The following KANSL1L variants were observed in gnomAD, a reference collection of about 807,000 sequenced individuals.
KANSL1L encodes KAT8 regulatory NSL complex subunit 1 like.
In KANSL1L, 25 loss-of-function variants were observed where a neutral mutation model predicts 108.6. The observed-to-expected ratio is 0.23, with a 90% confidence interval of 0.17 to 0.32. KANSL1L has a LOEUF of 0.32. Ranked by LOEUF, KANSL1L falls within the 10% of genes least tolerant of loss-of-function variation. KANSL1L has a pLI of 1.00. For missense variants in KANSL1L, 1,137 were observed against 1,125.7 expected (o/e 1.01, Z -0.14); for synonymous variants, 405 against 395.1 (o/e 1.03, Z -0.30).
chr2:210,044,597 T>TG lies in KANSL1L; in HGVS notation c.1756-494_1756-493insC, dbSNP rs1406929035. Reference sequence around the variant, plus strand: ...TATGGATTGCAGGGTTTGTTTTTTTTTGGGGGGGGTATGGTTCTTTATCAG... The same window carrying TG: ...TATGGATTGCAGGGTTTGTTTTTTTTGTGGGGGGGGTATGGTTCTTTATCAG... On this transcript the variant is annotated intron_variant, in intron 6 of 14. Transcript: ENST00000281772. This position sits in a 1 kb window ranked among gnomAD's most constrained non-coding sequence, Gnocchi z 4.2. Among the ~76,000 whole-genome samples the TG allele has an allele frequency of 9.9e-5, 15 of 152,092 alleles. No homozygotes were observed. Among genetic ancestry groups the TG allele is most frequent in the African/African-American group, 3.6e-4 (15 of 41,496 alleles).
chr2:210,094,823 G>C (rs1395298258), intron 5 of KANSL1L, among the ~76,000 whole-genome samples: 1 of 150,734 alleles, frequency 6.6e-6, no homozygotes, highest in Non-Finnish European at 1.5e-5. Context: ...TATAGTTAAG[G>C]GATTAAAAAA....
intron 6 of KANSL1L, among the ~76,000 whole-genome samples, chr2:210,046,256 C>T (rs1273889735): frequency 6.6e-6 from 1 of 152,106 alleles, no homozygotes. Flanking sequence ...ATCCAAGCCC[C>T]CCAAAATACA....
At chr2:210,052,093 T>C (rs2094299207) in intron 6 of KANSL1L, among the ~76,000 whole-genome samples, 1 of 150,992 alleles carries the variant, frequency 6.6e-6, no homozygotes, top group Non-Finnish European at 1.5e-5. Flanking sequence ...CAGCCTCTAC[T>C]GCCTGGCTCA....
Position 210,031,415 on chromosome 2 carries a change from AC to A in KANSL1L, c.2155+5del. 6.3e-7 allele frequency: 1 copy of A among 1,584,408 alleles called. No homozygotes were observed. Among genetic ancestry groups the A allele is most frequent in the Non-Finnish European group, 8.6e-7 (1 of 1,159,084 alleles). ...CACTACTGCTTATATCCTCACTTTA[AC>A]CTACCTAATGCTGTTTCACTCAAAT... is the stretch of plus-strand genomic sequence containing the variant. On this transcript the variant is annotated splice_donor_5th_base_variant and intron_variant, in intron 9 of 14. Transcript: ENST00000281772.
At chr2:210,069,824 T>G (rs1428522066) in intron 6 of KANSL1L, among the ~76,000 whole-genome samples, 3 of 17,386 alleles carry the variant, frequency 1.7e-4, no homozygotes, top group African/African-American at 8.7e-4. Context: ...TTTTTTTTTT[T>G]TTTTTTTTTT....
At chr2:210,166,551 G>A (rs371934018) in intron 1 of KANSL1L, among the ~76,000 whole-genome samples, 2 of 151,998 alleles carry the variant, frequency 1.3e-5, no homozygotes, top group African/African-American at 4.8e-5. Flanking sequence ...CTAAAATACT[G>A]CTCCAGATTC....
At chr2:210,096,609 C>G in intron 5 of KANSL1L, 1 of 985,330 alleles carries the variant, frequency 1.0e-6, no homozygotes, top group Non-Finnish European at 1.2e-6. Context: ...AATCACAATG[C>G]TTATACACCA....
At chr2:210,116,438 T>C (rs1029080424) in intron 3 of KANSL1L, among the ~76,000 whole-genome samples, 4 of 152,180 alleles carry the variant, frequency 2.6e-5, no homozygotes, top group South Asian at 2.1e-4. Flanking sequence ...TGGTCACTGC[T>C]GGCCTTAGGT....
chr2:210,028,574 T>C, intron 11 of KANSL1L: 1 of 281,070 alleles, frequency 3.6e-6, no homozygotes, highest in Non-Finnish European at 6.6e-6. Flanking sequence ...GTCATATACA[T>C]AGTAGATAAC....
intron 1 of KANSL1L, among the ~76,000 whole-genome samples, chr2:210,157,161 G>A (rs2095338343): frequency 6.6e-6 from 1 of 152,116 alleles, no homozygotes; most frequent in Non-Finnish European, 1.5e-5. Context: ...ATAGTATTTA[G>A]TGTCTACATT....
At chr2:210,172,723 C>G (rs1442390195), upstream of KANSL1L, among the ~76,000 whole-genome samples, 1 of 152,128 alleles carries the variant, frequency 6.6e-6, no homozygotes, top group Non-Finnish European at 1.5e-5. Context: ...AAGGACTGTC[C>G]TAGTCCCTGG....
chr2:210,164,730 A>G (rs1318128245), intron 1 of KANSL1L, among the ~76,000 whole-genome samples: 2 of 152,136 alleles, frequency 1.3e-5, no homozygotes, highest in Non-Finnish European at 2.9e-5. Flanking sequence ...TTATGAAAAT[A>G]TATCAGTCCT....
intron 8 of KANSL1L, among the ~76,000 whole-genome samples, chr2:210,034,835 A>C (rs936887087): frequency 6.6e-6 from 1 of 152,162 alleles, no homozygotes; most frequent in Admixed American, 6.5e-5. Flanking sequence ...CTCCTCTTCC[A>C]TCTATCTGAG....
At chr2:210,169,606 G>A (rs1316726700) in intron 1 of KANSL1L, among the ~76,000 whole-genome samples, 1 of 152,160 alleles carries the variant, frequency 6.6e-6, no homozygotes, top group Non-Finnish European at 1.5e-5. Flanking sequence ...AATGTTAAAA[G>A]TCAATGTGAG....
At chr2:210,141,183 TCTCC>T (rs2095225869) in intron 2 of KANSL1L, among the ~76,000 whole-genome samples, 1 of 150,000 alleles carries the variant, frequency 6.7e-6, no homozygotes, top group Non-Finnish European at 1.5e-5. Context: ...CTTTTCTTTC[TCTCC>T]CTTTCTCTTT....
rs184484900 is a variant in KANSL1L, at chr2:210,158,740, C to G, written c.-29-4129G>C. 1.1e-3 allele frequency among the ~76,000 whole-genome samples: 163 copies of G among 150,528 alleles called. 2 individuals carry two copies. Among genetic ancestry groups the G allele is most frequent in the East Asian group, 7.8e-4 (4 of 5,150 alleles). ...AACCTAGCCTAAGTAAGTCTCTCTA[C>G]TTTGCAACCAAAAGAAACTAATGAA... is the stretch of plus-strand genomic sequence containing the variant. On this transcript the variant is annotated intron_variant, in intron 1 of 14. Transcript: ENST00000281772.
intron 5 of KANSL1L, chr2:210,096,859 A>G: frequency 1.3e-6 from 1 of 747,328 alleles, no homozygotes; most frequent in Non-Finnish European, 1.6e-6. Flanking sequence ...AACATAAATA[A>G]AATAGTAAAA....
At chr2:210,164,307 T>C (rs1236222402) in intron 1 of KANSL1L, among the ~76,000 whole-genome samples, 2 of 152,170 alleles carry the variant, frequency 1.3e-5, no homozygotes, top group African/African-American at 2.4e-5. Flanking sequence ...TAGGCACCTA[T>C]AGTATTCTAG....
At chr2:210,025,275 G>A in intron 12 of KANSL1L, 59 bp from the exon 13 acceptor site, 1 of 1,055,144 alleles carries the variant, frequency 9.5e-7, no homozygotes, top group Non-Finnish European at 1.5e-6. Flanking sequence ...TATAAGATCA[G>A]GCTGGGCACG....
Sources: gnomAD v4.1 joint callset for allele counts (sites outside exome capture counted in the v4.1 genomes callset) on GRCh38, gnomAD v4.1.1 for gene constraint, Gnocchi (gnomAD v3.1) non-coding constraint, MANE v1.5 for transcripts, NCBI Gene and HGNC (gene_info 2026-07-23, HGNC 2026-07-21) for gene names.